Variants in SPEN observed in about 807,000 individuals in gnomAD.
The protein encoded by SPEN is spen family transcriptional repressor.
SPEN carries 18 observed loss-of-function variants against 269.9 expected under a neutral mutation model. That is an observed-to-expected ratio of 0.07 (90% CI 0.05 to 0.10). The LOEUF (loss-of-function observed/expected upper bound fraction) is 0.10, where lower values mean the gene tolerates loss of function less well. Among genes scored for constraint, SPEN ranks in the 10% least tolerant of loss-of-function variants. SPEN has a pLI of 1.00. For synonymous variants in SPEN, 1,726 were observed against 1,765.7 expected, an observed-to-expected ratio of 0.98 and a Z score of 0.56; for missense variants, 3,822 against 4,631.2, an observed-to-expected ratio of 0.83 and a Z score of 5.07.
intron 3 of SPEN, among the ~76,000 whole-genome samples, chr1:15,899,542 T>TTG (rs2070879347): frequency 6.8e-6 from 1 of 147,052 alleles, no homozygotes; most frequent in Admixed American, 6.8e-5. Flanking sequence ...GCAGAGTTTT[T>TTG]TTTTTTTTTT....
In SPEN at chr1:15,848,256, G is replaced by A. The variant is rs1391110746; in HGVS notation, c.83+106G>A. On this transcript the variant is annotated intron_variant, in intron 1 of 14. Transcript: ENST00000375759. This position sits in a 1 kb window ranked among gnomAD's most constrained non-coding sequence, Gnocchi z 5.1. ...GCGCGGAGCTGGTGAGGAGGACTCC[G>A]GCCCGGACCCACGGGCGCTGTGGGA... 3 of 704,112 alleles carry A rather than the reference G, an allele frequency of 4.3e-6. No homozygotes were observed. The highest frequency in any genetic ancestry group is 6.1e-6 in the Non-Finnish European group (3 of 490,212). The allele number at this position is 704,112 out of a possible 1,614,324, so 43.6% of individuals were successfully genotyped here. A position where few individuals can be genotyped will look rare whatever the true frequency, so the allele number is the denominator to read the frequency against.
chr1:15,926,958 C>T (rs1374262508), intron 10 of SPEN, among the ~76,000 whole-genome samples: 6 of 152,290 alleles, frequency 3.9e-5, no homozygotes, highest in Admixed American at 1.3e-4. Flanking sequence ...TCCCAAAGTG[C>T]TGGGATTACA....
chr1:15,891,764 A>T (rs2070791199), intron 3 of SPEN, among the ~76,000 whole-genome samples: 1 of 151,838 alleles, frequency 6.6e-6, no homozygotes, highest in Non-Finnish European at 1.5e-5. Context: ...CACTGGGATT[A>T]CATGCATGAG....
chr1:15,873,239 C>A, intron 2 of SPEN, 103 bp downstream of exon 2: 1 of 1,424,866 alleles, frequency 7.0e-7, no homozygotes, highest in Non-Finnish European at 9.2e-7. Flanking sequence ...TTTGGGCATT[C>A]TCAATGTTTC....
chr1:15,886,723 G>A (rs1337941544), intron 3 of SPEN, among the ~76,000 whole-genome samples: 2 of 152,194 alleles, frequency 1.3e-5, no homozygotes. Context: ...TGCACTGCCA[G>A]TGCTTGGCCA....
intron 13 of SPEN, 61 bp downstream of exon 13, chr1:15,938,067 T>G (rs2148745451): frequency 1.4e-6 from 2 of 1,433,190 alleles, no homozygotes; most frequent in Non-Finnish European, 1.9e-6. Flanking sequence ...ACGTAGGTAG[T>G]CCCTGCCAGC....
Position 15,919,469 on chromosome 1 carries a change from AGATCAG to A in SPEN, c.1588_1593del (p.Asp530_Gln531del). On this transcript the variant is annotated inframe_deletion, in exon 8 of 15. Coordinates refer to ENST00000375759, the MANE Select transcript of SPEN (RefSeq NM_015001.3). ...TAGATGGGCTTTCTTCGAATGTGTC[AGATCAG>A]TATTTAACACGACATTTCTGCCGAT... is the stretch of plus-strand genomic sequence containing the variant. 1 of 1,608,462 alleles carries A rather than the reference AGATCAG, an allele frequency of 6.2e-7. No homozygotes were observed. Among genetic ancestry groups the A allele is most frequent in the Non-Finnish European group, 8.5e-7 (1 of 1,179,276 alleles).
intron 8 of SPEN, 103 bp from the exon 9 acceptor site, chr1:15,920,767 T>C (rs2071110279): frequency 2.2e-6 from 1 of 445,520 alleles, no homozygotes; most frequent in Admixed American, 3.9e-5. Context: ...TATAAAAATA[T>C]ATTTTTTCTC....
In SPEN at chr1:15,929,483, C is replaced by G; in HGVS notation, c.3243C>G (p.Ser1081Arg). The G allele has an allele frequency of 6.2e-7, 1 of 1,613,446 alleles. No individual in the cohort carries two copies. Among genetic ancestry groups the G allele is most frequent in the Non-Finnish European group, 8.5e-7 (1 of 1,179,778 alleles). The part of the protein sequence containing the change: ...SISVGSGSRP[S>R]SDLQARLGEL... ...CTGTTGGGTCTGGCTCAAGGCCCAG[C>G]TCAGACCTACAAGCAAGACTGGGAG... The change falls in exon 11 of 15, where the codon AGC becomes AGG. Residue 1081 changes from serine (S) to arginine (R), a missense_variant. Around this residue, in one of 16 missense-constraint regions of SPEN, gnomAD observed 572 missense variants for 582.6 expected, o/e 0.98. Transcript: ENST00000375759. This position sits in a 1 kb window ranked among gnomAD's most constrained non-coding sequence, Gnocchi z 5.8.
intron 1 of SPEN, among the ~76,000 whole-genome samples, chr1:15,862,966 T>A (rs1030002272): frequency 6.6e-6 from 1 of 152,166 alleles, no homozygotes; most frequent in Non-Finnish European, 1.5e-5. Flanking sequence ...TTTCACTGTG[T>A]TAGCCAGGAT....
chr1:15,876,192 C>T lies in SPEN; in HGVS notation c.405-10C>T, dbSNP rs1002255778. On this transcript the variant is annotated splice_polypyrimidine_tract_variant and intron_variant, in intron 2 of 14. Coordinates refer to ENST00000375759, the MANE Select transcript of SPEN (RefSeq NM_015001.3). ...TTCTGATTAAATATTTTTCCCCCTC[C>T]TAAATGCAGGGCTTCAGATAACAGG... 1 of 1,599,046 alleles carries T rather than the reference C, an allele frequency of 6.3e-7. No individual in the cohort carries two copies. The highest frequency in any genetic ancestry group is 8.6e-7 in the Non-Finnish European group (1 of 1,168,518).
Position 15,933,963 on chromosome 1 carries a change from C to A in SPEN, c.7723C>A (p.Pro2575Thr). The change falls in exon 11 of 15, where the codon CCA becomes ACA. Residue 2575 changes from proline to threonine, a missense_variant. This residue lies in a region of SPEN where 727 missense variants were observed against 737.9 expected (regional missense o/e 0.99). Coordinates refer to ENST00000375759, the MANE Select transcript of SPEN (RefSeq NM_015001.3). The surrounding 1 kb of genome is among the most constrained non-coding windows in gnomAD (Gnocchi z 5.7). ...TTGCCTACATGAGGCCCCGCCCCCG[C>A]CAGTTGACTCTAAAAAGCCTTTAGA... The part of the protein sequence containing the change: ...APCLHEAPPP[P>T]VDSKKPLEEK... 6.2e-7 allele frequency: 1 copy of A among 1,613,956 alleles called. No individual in the cohort carries two copies. Among genetic ancestry groups the A allele is most frequent in the Non-Finnish European group, 8.5e-7 (1 of 1,179,944 alleles).
chr1:15,936,119 G>A lies in SPEN; in HGVS notation c.9879G>A (p.Val3293=). The change falls in exon 11 of 15, where the codon GTG becomes GTA. Residue 3293 remains valine (V), a synonymous_variant. Coordinates refer to ENST00000375759, the MANE Select transcript of SPEN (RefSeq NM_015001.3). ...CTCCTGTGGTGGTGACCCATGGGGT[G>A]CAGATTGTGCACTCCAGCGGGGAGC... ...LTPPVVVTHG[V]QIVHSSGELF... is the part of the protein sequence containing the mutation. 3.1e-6 allele frequency: 5 copies of A among 1,611,558 alleles called. No individual in the cohort carries two copies. The highest frequency in any genetic ancestry group is 4.2e-6 in the Non-Finnish European group (5 of 1,178,194).
At chr1:15,901,619 C>T (rs2070901109) in intron 3 of SPEN, among the ~76,000 whole-genome samples, 1 of 140,058 alleles carries the variant, frequency 7.1e-6, no homozygotes, top group Non-Finnish European at 1.5e-5. Flanking sequence ...CACTGCACTC[C>T]AGCCTGGGTG....
In SPEN at chr1:15,931,445, T is replaced by A; in HGVS notation, c.5205T>A (p.Pro1735=). 6.2e-7 allele frequency: 1 copy of A among 1,614,094 alleles called. No individual in the cohort carries two copies. The highest frequency in any genetic ancestry group is 8.5e-7 in the Non-Finnish European group (1 of 1,180,018). Residue 1735 remains proline (P), a synonymous_variant, in exon 11 of 15, where the codon CCT becomes CCA. Coordinates refer to ENST00000375759, the MANE Select transcript of SPEN (RefSeq NM_015001.3). This position sits in a 1 kb window ranked among gnomAD's most constrained non-coding sequence, Gnocchi z 4.8. ...AGCCGCCTTATCTGGATGCCAAGCC[T>A]CCAACTCCCGGGGCCTCGTTTTCCC... ...GDQPPYLDAK[P]PTPGASFSQA... is the part of the protein sequence containing the mutation.
In SPEN at chr1:15,847,830, AG is replaced by A. The variant is rs2070286995; in HGVS notation, c.-235del. 1 of 241,568 alleles carries A rather than the reference AG, an allele frequency of 4.1e-6. No individual in the cohort carries two copies. The highest frequency in any genetic ancestry group is 8.0e-6 in the Non-Finnish European group (1 of 125,314). 15.0% of individuals were successfully genotyped at this position (241,568 alleles called of 1,614,324 possible). ...CGGGCGCATGCGCTGCCGGAGCGCGAGGGTCGGCTTCGGGTGTGTGGTGGCG... is the reference window on the plus strand; with the variant it reads ...CGGGCGCATGCGCTGCCGGAGCGCGAGGTCGGCTTCGGGTGTGTGGTGGCG... On this transcript the variant is annotated 5_prime_UTR_variant, in exon 1 of 15. The change creates a premature stop within an existing upstream ORF in the 5' untranslated region. Coordinates refer to ENST00000375759, the MANE Select transcript of SPEN (RefSeq NM_015001.3).
At chr1:15,860,843 G>A (rs1046092331) in intron 1 of SPEN, among the ~76,000 whole-genome samples, 1 of 151,812 alleles carries the variant, frequency 6.6e-6, no homozygotes, top group East Asian at 1.9e-4. Context: ...CTTGTCATCC[G>A]CCTGCCTCGG....
chr1:15,930,319 T>C lies in SPEN; in HGVS notation c.4079T>C (p.Ile1360Thr). 1 of 1,614,068 alleles carries C rather than the reference T, an allele frequency of 6.2e-7. No homozygotes were observed. Residue 1360 changes from isoleucine to threonine, a missense_variant, in exon 11 of 15, where the codon ATT becomes ACT. Around this residue, in one of 16 missense-constraint regions of SPEN, gnomAD observed 267 missense variants for 315.5 expected, o/e 0.85. Transcript: ENST00000375759. This position sits in a 1 kb window ranked among gnomAD's most constrained non-coding sequence, Gnocchi z 5.3. ...RFDVSFPNSI[I>T]KRDSLRKRSV... ...GATGTGAGTTTCCCAAACAGCATAATTAAGAGAGATAGCCTTCGAAAAAGG... is the reference window on the plus strand; with the variant it reads ...GATGTGAGTTTCCCAAACAGCATAACTAAGAGAGATAGCCTTCGAAAAAGG...
intron 2 of SPEN, chr1:15,873,387 A>G: frequency 8.3e-7 from 1 of 1,200,244 alleles, no homozygotes. Context: ...TGGAAGCTTC[A>G]TTTTTGGAGT....
Sources: gnomAD v4.1 joint callset for allele counts (sites outside exome capture counted in the v4.1 genomes callset) on GRCh38, gnomAD v4.1.1 for gene constraint, gnomAD v4.1.1 regional missense constraint, Gnocchi (gnomAD v3.1) non-coding constraint, MANE v1.5 for transcripts, NCBI Gene and HGNC (gene_info 2026-07-23, HGNC 2026-07-21) for gene names.